RANBP17: variants seen among roughly 807,000 people sequenced by gnomAD.
The protein encoded by RANBP17 is RAN binding protein 17.
In RANBP17, 158 loss-of-function variants were observed where a neutral mutation model predicts 141.2. The ratio of observed to expected loss-of-function variants is 1.12; its 90% CI spans 0.98 to 1.28. The LOEUF is 1.28. Ranked by LOEUF, RANBP17 falls within the 50% of genes most tolerant of loss-of-function variation. The pLI is 0.00. For missense variants in RANBP17, 1,438 were observed against 1,290.7 expected, an observed-to-expected ratio of 1.11 and a Z score of -1.75; for synonymous variants, 430 against 450.0, an observed-to-expected ratio of 0.96 and a Z score of 0.56.
At chr5:171,282,070 T>G (rs564045817) in intron 25 of RANBP17, among the ~76,000 whole-genome samples, 4 of 152,278 alleles carry the variant, frequency 2.6e-5, no homozygotes, top group African/African-American at 9.6e-5. Flanking sequence ...AAGCTAAATA[T>G]GTATAGCTTA....
chr5:171,175,801 C>CT lies in RANBP17; in HGVS notation c.1865+4529dup, dbSNP rs79299003. On this transcript the variant is annotated intron_variant, in intron 16 of 27. Transcript: ENST00000523189. Reference sequence around the variant, plus strand: ...ACATTCGTTTTTGAGTTTATCCAAACTTTTTTTTTTTTTTACCTTATGGAT... The same window carrying CT: ...ACATTCGTTTTTGAGTTTATCCAAACTTTTTTTTTTTTTTTACCTTATGGAT... Among the ~76,000 whole-genome samples the CT allele has an allele frequency of 1.4e-3, 209 of 144,184 alleles. 2 individuals carry two copies. The highest frequency in any genetic ancestry group is 3.6e-3 in the East Asian group (18 of 4,996). The allele number at this position is 144,184 out of a possible 152,430, so 94.6% of individuals were successfully genotyped here.
intron 14 of RANBP17, among the ~76,000 whole-genome samples, chr5:170,996,953 C>G (rs1016174345): frequency 2.0e-5 from 3 of 152,114 alleles, no homozygotes; most frequent in African/African-American, 4.8e-5. Context: ...CTGAATGATA[C>G]GGTTAAGCTT....
chr5:171,242,568 C>G (rs1165040719), intron 23 of RANBP17, 114 bp from the exon 24 acceptor site: 1 of 1,092,368 alleles, frequency 9.2e-7, no homozygotes, highest in African/African-American at 1.6e-5. Flanking sequence ...ATTTATTGAC[C>G]TTGTGTTTAA....
At chr5:171,129,382 A>G (rs1356190066) in intron 14 of RANBP17, among the ~76,000 whole-genome samples, 1 of 152,162 alleles carries the variant, frequency 6.6e-6, no homozygotes, top group African/African-American at 2.4e-5. Flanking sequence ...GTTATAATTA[A>G]TTAAAGCTGT....
At chr5:171,061,810 A>C (rs1783885125) in intron 14 of RANBP17, among the ~76,000 whole-genome samples, 1 of 152,152 alleles carries the variant, frequency 6.6e-6, no homozygotes, top group East Asian at 1.9e-4. Context: ...GTCTCTTTGT[A>C]GGTCACTCAG....
chr5:171,112,471 C>CA (rs928300077), intron 14 of RANBP17, among the ~76,000 whole-genome samples: 8 of 151,550 alleles, frequency 5.3e-5, no homozygotes, highest in Admixed American at 2.6e-4. Context: ...ACCATGGAAA[C>CA]AAAGGATATT....
intron 25 of RANBP17, among the ~76,000 whole-genome samples, chr5:171,275,697 T>TA (rs986851397): frequency 7.9e-5 from 12 of 152,208 alleles, no homozygotes; most frequent in African/African-American, 2.7e-4. Context: ...TTAAAGTTGC[T>TA]AAATCAGGCC....
chr5:171,014,214 C>T (rs1780275642), intron 14 of RANBP17, among the ~76,000 whole-genome samples: 1 of 151,574 alleles, frequency 6.6e-6, no homozygotes, highest in Non-Finnish European at 1.5e-5. Context: ...CTATCTATGT[C>T]TTTATATAAA....
chr5:170,960,459 C>CTCTTCA (rs1266976117), intron 13 of RANBP17, among the ~76,000 whole-genome samples: 1 of 152,194 alleles, frequency 6.6e-6, no homozygotes, highest in East Asian at 1.9e-4. Flanking sequence ...CTTCACATGT[C>CTCTTCA]TCTTCATCAT....
intron 16 of RANBP17, among the ~76,000 whole-genome samples, chr5:171,177,090 G>C (rs1760533469): frequency 6.6e-6 from 1 of 152,128 alleles, no homozygotes; most frequent in African/African-American, 2.4e-5. Flanking sequence ...AATAAAACTA[G>C]TTTCAGCTTA....
At chr5:170,927,533 A>G (rs893671977) in intron 12 of RANBP17, among the ~76,000 whole-genome samples, 1 of 151,950 alleles carries the variant, frequency 6.6e-6, no homozygotes, top group African/African-American at 2.4e-5. Flanking sequence ...TAAATGAACA[A>G]TTCATTTCCT....
chr5:171,098,488 A>G (rs1400790212), intron 14 of RANBP17, among the ~76,000 whole-genome samples: 1 of 151,686 alleles, frequency 6.6e-6, no homozygotes, highest in Non-Finnish European at 1.5e-5. Flanking sequence ...AGCGTTGTTC[A>G]TTTTTTTCTT....
chr5:171,220,441 C>CT (rs1173697219), intron 21 of RANBP17, among the ~76,000 whole-genome samples: 2,201 of 73,030 alleles, frequency 0.03, 95 homozygotes, highest in African/African-American at 0.051. Flanking sequence ...CCAGATGATT[C>CT]TTTTTTTTTT....
chr5:171,012,005 A>G (rs1780071503), intron 14 of RANBP17, among the ~76,000 whole-genome samples: 1 of 151,954 alleles, frequency 6.6e-6, no homozygotes, highest in Admixed American at 6.6e-5. Flanking sequence ...TTATTGCCTC[A>G]GTAATATATT....
At chr5:171,197,632 C>T (rs758323847) in intron 18 of RANBP17, among the ~76,000 whole-genome samples, 2 of 152,136 alleles carry the variant, frequency 1.3e-5, no homozygotes, top group Non-Finnish European at 2.9e-5. Context: ...CATTTAGTTC[C>T]CGCAGTAACC....
In RANBP17 at chr5:171,042,413, A is replaced by G. The variant is rs373721570; in HGVS notation, c.1710+74036A>G. 1.9e-3 allele frequency among the ~76,000 whole-genome samples: 286 copies of G among 152,254 alleles called. 1 individual carries two copies. The highest frequency in any genetic ancestry group is 6.0e-3 in the African/African-American group (251 of 41,570). On this transcript the variant is annotated intron_variant, in intron 14 of 27. Coordinates refer to ENST00000523189, the MANE Select transcript of RANBP17 (RefSeq NM_022897.5). ...GGGATCACCATCTTAGATGCAGCCAATTGTTGACCAACATGTCATTATATA... is the reference window on the plus strand; with the variant it reads ...GGGATCACCATCTTAGATGCAGCCAGTTGTTGACCAACATGTCATTATATA...
chr5:171,174,656 T>C (rs1288189536), intron 16 of RANBP17, among the ~76,000 whole-genome samples: 1 of 152,024 alleles, frequency 6.6e-6, no homozygotes, highest in Admixed American at 6.6e-5. Context: ...TCCACTTGGG[T>C]TTCAGAAAGG....
chr5:171,148,518 A>G (rs1208694335), intron 14 of RANBP17, among the ~76,000 whole-genome samples: 2 of 152,174 alleles, frequency 1.3e-5, no homozygotes, highest in Non-Finnish European at 2.9e-5. Context: ...ATGAAACCAC[A>G]TTTGATGCTA....
intron 14 of RANBP17, among the ~76,000 whole-genome samples, chr5:171,063,505 G>C (rs7718828): frequency 0.027 from 4,084 of 152,262 alleles, 181 homozygotes; most frequent in African/African-American, 0.092. Context: ...GCTGCTGTCT[G>C]ATCGTTCCTC....
Sources: gnomAD v4.1 joint callset for allele counts (sites outside exome capture counted in the v4.1 genomes callset) on GRCh38, gnomAD v4.1.1 for gene constraint, MANE v1.5 for transcripts, NCBI Gene and HGNC (gene_info 2026-07-23, HGNC 2026-07-21) for gene names.